Variants in BCL2L10 observed in about 807,000 individuals in gnomAD.
BCL2L10 encodes bcl-2-like protein 10.
Under a neutral mutation model 11.1 loss-of-function variants are expected in BCL2L10, and 14 were observed. The observed-to-expected ratio is 1.26, with a 90% CI of 0.83 to 1.96. BCL2L10 has a LOEUF of 1.96. BCL2L10 is among the 30% of genes most tolerant of loss of function. The pLI, the probability that BCL2L10 is intolerant of heterozygous loss-of-function variation, is 0.00. For synonymous variants in BCL2L10, 154 were observed against 133.4 expected, an observed-to-expected ratio of 1.15 and a Z score of -1.07; for missense variants, 309 against 273.9, an observed-to-expected ratio of 1.13 and a Z score of -0.90.
rs894749999 is a variant in BCL2L10 at position 52,112,225 on chromosome 15, G to A, written c.489+13C>T. ...CGTCCCGCCCCGTGTCCCGGTGTCCGCCGCGTGCTCACCCAGCCGCCCTGA... is the reference window on the plus strand; with the variant it reads ...CGTCCCGCCCCGTGTCCCGGTGTCCACCGCGTGCTCACCCAGCCGCCCTGA... On this transcript the variant is annotated intron_variant, in intron 1 of 1. Transcript: ENST00000260442. 9.5e-6 allele frequency: 14 copies of A among 1,480,236 alleles called. No homozygotes were observed. Among genetic ancestry groups the A allele is most frequent in the South Asian group, 1.3e-5 (1 of 76,400 alleles). 91.7% of individuals were successfully genotyped at this position (1,480,236 alleles called of 1,614,324 possible).
At chr15:52,111,832 C>A (rs2033060863) in intron 1 of BCL2L10, among the ~76,000 whole-genome samples, 1 of 152,140 alleles carries the variant, frequency 6.6e-6, no homozygotes, top group Admixed American at 6.5e-5. Flanking sequence ...ATTTAATAGG[C>A]GAAGGAGAAA....
Position 52,109,645 on chromosome 15 carries a change from C to G in BCL2L10, c.*203G>C. ...CCCATTTCTTTCACTCAAGGAAGAG[C>G]CATTTGCATTCTTGTCCTCACACCT... On this transcript the variant is annotated 3_prime_UTR_variant, in exon 2 of 2. Coordinates refer to ENST00000260442, the MANE Select transcript of BCL2L10 (RefSeq NM_020396.4). 1 of 581,100 alleles carries G rather than the reference C, an allele frequency of 1.7e-6. No individual in the cohort carries two copies. The highest frequency in any genetic ancestry group is 2.9e-5 in the Admixed American group (1 of 34,260). The allele number at this position is 581,100 out of a possible 1,614,324, so 36.0% of individuals were successfully genotyped here.
At position 52,110,020 on chromosome 15, in the gene BCL2L10, A is replaced by G. The variant is rs760259580; in HGVS notation, c.490-47T>C. ...GTTAGATTGCCTCATGATGCTGAGA[A>G]CCTCACTCAAAACACGCAGGAACTT... On this transcript the variant is annotated intron_variant, in intron 1 of 1. Transcript: ENST00000260442. 7 of 1,535,688 alleles carry G rather than the reference A, an allele frequency of 4.6e-6. No homozygotes were observed. In the South Asian group the frequency reaches 8.5e-5, roughly 19 times the overall value.
At position 52,109,694 on chromosome 15, in the gene BCL2L10, A is replaced by T. The variant is rs1241213917; in HGVS notation, c.*154T>A. ...CTGAGTACTTGTCACAAGTTAAAAC[A>T]CTGGCCAAATCACCACCTCAGGACT... On this transcript the variant is annotated 3_prime_UTR_variant, in exon 2 of 2. Transcript: ENST00000260442. 8 of 1,035,230 alleles carry T rather than the reference A, an allele frequency of 7.7e-6. No individual in the cohort carries two copies. The highest frequency in any genetic ancestry group is 1.1e-5 in the Non-Finnish European group (8 of 722,736). 64.1% of individuals were successfully genotyped at this position (1,035,230 alleles called of 1,614,324 possible). A position where few individuals can be genotyped will look rare whatever the true frequency, so the allele number is the denominator to read the frequency against.
Position 52,112,670 on chromosome 15 carries a change from G to A in BCL2L10, c.57C>T (p.Thr19=), listed in dbSNP as rs1391627660. 18 of 1,545,254 alleles carry A rather than the reference G, an allele frequency of 1.2e-5. No individual in the cohort carries two copies. Among genetic ancestry groups the A allele is most frequent in the South Asian group, 2.4e-5 (2 of 84,744 alleles). The change falls in exon 1 of 2, where the codon ACC becomes ACT. Residue 19 remains threonine, a synonymous_variant. Transcript: ENST00000260442. ...TTMADPLRER[T]ELLLADYLGY... ...CCAGGTAGTCGGCCAGCAACAGCTCGGTGCGCTCCCGCAGCGGGTCGGCCA... is the reference window on the plus strand; with the variant it reads ...CCAGGTAGTCGGCCAGCAACAGCTCAGTGCGCTCCCGCAGCGGGTCGGCCA...
At chr15:52,111,176 ACACAC>A (rs1566926894) in intron 1 of BCL2L10, among the ~76,000 whole-genome samples, 30 of 77,688 alleles carry the variant, frequency 3.9e-4, no homozygotes, top group Non-Finnish European at 5.5e-4. Context: ...TACTGAAAAC[ACACAC>A]ACACACACAC....
intron 1 of BCL2L10, among the ~76,000 whole-genome samples, chr15:52,110,293 C>T (rs2033035343): frequency 6.6e-6 from 1 of 152,188 alleles, no homozygotes; most frequent in African/African-American, 2.4e-5. Context: ...GGGAAACTGT[C>T]AAGTCACTAG....
rs2033020570 is a variant in BCL2L10, at chr15:52,109,721, C to G, written c.*127G>C. The G allele has an allele frequency of 7.5e-7, 1 of 1,335,666 alleles. No homozygotes were observed. Among genetic ancestry groups the G allele is most frequent in the African/African-American group, 1.5e-5 (1 of 67,744 alleles). 82.7% of individuals were successfully genotyped at this position (1,335,666 alleles called of 1,614,324 possible). ...TGGCCAAATCACCACCTCAGGACTCCTTGTATGCATTCAGATAAAAACGTC... is the reference window on the plus strand; with the variant it reads ...TGGCCAAATCACCACCTCAGGACTCGTTGTATGCATTCAGATAAAAACGTC... On this transcript the variant is annotated 3_prime_UTR_variant, in exon 2 of 2. Transcript: ENST00000260442.
Position 52,112,317 on chromosome 15 carries a change from T to TC in BCL2L10, c.409dup (p.Asp137GlyfsTer83), listed in dbSNP as rs2033069050. On this transcript the variant is annotated frameshift_variant, in exon 1 of 2. Transcript: ENST00000260442. LOFTEE classifies it high-confidence loss of function. ...CAGCAAGGCCACCAGGCGCTGGCAG[T>TC]CCCGGGCGACGTCGCCCTCCTGCTC... 6.3e-7 allele frequency: 1 copy of TC among 1,579,770 alleles called. No homozygotes were observed. Among genetic ancestry groups the TC allele is most frequent in the Non-Finnish European group, 8.5e-7 (1 of 1,169,882 alleles).
intron 1 of BCL2L10, among the ~76,000 whole-genome samples, chr15:52,111,173 A>AAAACACACACACACAC (rs768251892): frequency 1.9e-4 from 23 of 121,720 alleles, no homozygotes; most frequent in Non-Finnish European, 3.4e-5. Flanking sequence ...CTCTACTGAA[A>AAAACACACACACACAC]ACACACACAC....
rs1555403409 is a variant in BCL2L10 at position 52,109,990 on chromosome 15, G to A, written c.490-17C>T. 1 of 1,586,780 alleles carries A rather than the reference G, an allele frequency of 6.3e-7. No individual in the cohort carries two copies. Among genetic ancestry groups the A allele is most frequent in the South Asian group, 1.1e-5 (1 of 87,040 alleles). ...AAAGCCATCCTACAGGGGGGAGAGA[G>A]AAAAGTTAGATTGCCTCATGATGCT... On this transcript the variant is annotated splice_polypyrimidine_tract_variant and intron_variant, in intron 1 of 1. Transcript: ENST00000260442.
intron 1 of BCL2L10, among the ~76,000 whole-genome samples, chr15:52,110,374 G>C (rs1480475954): frequency 2.0e-5 from 3 of 152,150 alleles, no homozygotes; most frequent in Non-Finnish European, 4.4e-5. Context: ...ACTCCAGGCT[G>C]TGGCATTTTA....
At chr15:52,110,571 T>C (rs1379417087) in intron 1 of BCL2L10, among the ~76,000 whole-genome samples, 2 of 152,094 alleles carry the variant, frequency 1.3e-5, no homozygotes, top group Non-Finnish European at 2.9e-5. Flanking sequence ...GTAGCTGGGA[T>C]TACATGCACC....
rs2033016377 is a variant in BCL2L10, at chr15:52,109,500, A to T, written c.*348T>A. 5.5e-6 allele frequency: 1 copy of T among 183,430 alleles called. No individual in the cohort carries two copies. The highest frequency in any genetic ancestry group is 6.2e-5 in the Admixed American group (1 of 16,176). The allele number at this position is 183,430 out of a possible 1,614,324, so 11.4% of individuals were successfully genotyped here. A position where few individuals can be genotyped will look rare whatever the true frequency, so the allele number is the denominator to read the frequency against. ...TTTAAAATTAGTCAGCAGCACATGAAGTTGTGGAGAGATGAGAGGTTCGCA... is the reference window on the plus strand; with the variant it reads ...TTTAAAATTAGTCAGCAGCACATGATGTTGTGGAGAGATGAGAGGTTCGCA... On this transcript the variant is annotated 3_prime_UTR_variant, in exon 2 of 2. Coordinates refer to ENST00000260442, the MANE Select transcript of BCL2L10 (RefSeq NM_020396.4).
intron 1 of BCL2L10, among the ~76,000 whole-genome samples, chr15:52,111,919 C>G (rs1476728059): frequency 6.6e-6 from 1 of 152,198 alleles, no homozygotes; most frequent in African/African-American, 2.4e-5. Context: ...AACGTTCAGA[C>G]CTAACGTGGG....
rs749355524 is a variant in BCL2L10, at chr15:52,112,631, C to T, written c.96G>A (p.Arg32=). Residue 32 remains arginine, a synonymous_variant, in exon 1 of 2, where the codon CGG becomes CGA. Coordinates refer to ENST00000260442, the MANE Select transcript of BCL2L10 (RefSeq NM_020396.4). ...GCGCCGGCTCGGGGGTGCCGGGTTC[C>T]CGGGCGCAGTACCCCAGGTAGTCGG... ...LLADYLGYCA[R]EPGTPEPAPS... is the part of the protein sequence containing the mutation. The T allele has an allele frequency of 1.3e-6, 2 of 1,565,136 alleles. No homozygotes were observed. The highest frequency in any genetic ancestry group is 3.7e-5 in the Admixed American group (2 of 54,318).
chr15:52,110,279 T>C (rs2414130), intron 1 of BCL2L10, among the ~76,000 whole-genome samples: 46,966 of 152,062 alleles, frequency 0.31, 9,834 homozygotes, highest in African/African-American at 0.6. Flanking sequence ...AAGAGATGCC[T>C]TTTGGGAAAC....
chr15:52,111,173 A>AAAACAC (rs768251892), intron 1 of BCL2L10, among the ~76,000 whole-genome samples: 1 of 121,720 alleles, frequency 8.2e-6, no homozygotes, highest in Non-Finnish European at 1.7e-5. Flanking sequence ...CTCTACTGAA[A>AAAACAC]ACACACACAC....
At position 52,109,808 on chromosome 15, in the gene BCL2L10, C is replaced by T; in HGVS notation, c.*40G>A. 6.2e-7 allele frequency: 1 copy of T among 1,606,832 alleles called. No homozygotes were observed. The highest frequency in any genetic ancestry group is 1.1e-5 in the South Asian group (1 of 89,810). Reference sequence around the variant, plus strand: ...CTCACACATCTGTCATTTAGTTGGTCACAGTTGGGCAGGTAGAAGCGGGTT... The same window carrying T: ...CTCACACATCTGTCATTTAGTTGGTTACAGTTGGGCAGGTAGAAGCGGGTT... On this transcript the variant is annotated 3_prime_UTR_variant, in exon 2 of 2. Coordinates refer to ENST00000260442, the MANE Select transcript of BCL2L10 (RefSeq NM_020396.4).
Sources: allele counts gnomAD v4.1 joint callset (sites outside exome capture counted in the v4.1 genomes callset), GRCh38; gene constraint gnomAD v4.1.1; transcripts MANE v1.5; gene names NCBI Gene and HGNC (gene_info 2026-07-23, HGNC 2026-07-21).